The following PLPP2 variants were observed in gnomAD, a reference collection of about 807,000 sequenced individuals.
PLPP2 encodes PAP2-gamma.
Under a neutral mutation model 35.2 loss-of-function variants are expected in PLPP2, and 29 were observed. The observed-to-expected ratio is 0.82, with a 90% CI of 0.61 to 1.12. PLPP2 has a LOEUF of 1.12. PLPP2 is among the 50% of genes most tolerant of loss of function. PLPP2 has a pLI of 0.00. For missense variants in PLPP2, 353 were observed against 375.2 expected (o/e 0.94, Z 0.49); for synonymous variants, 162 against 167.0 (o/e 0.97, Z 0.23).
chr19:288,031 T>C lies in PLPP2; in HGVS notation c.193A>G (p.Thr65Ala). ...CCCTCCTGCCTTACAAGGATGACGG[T>C]GGCCGTGATGGTGACCCCAGCCATG... ...GLMAGVTITA[T>A]VILVSAGEAY... Residue 65 changes from threonine (T) to alanine (A), a missense_variant, in exon 2 of 6, where the codon ACC becomes GCC. Coordinates refer to ENST00000434325, the MANE Select transcript of PLPP2 (RefSeq NM_003712.4). The C allele has an allele frequency of 6.2e-7, 1 of 1,611,624 alleles. No individual in the cohort carries two copies. Among genetic ancestry groups the C allele is most frequent in the South Asian group, 1.1e-5 (1 of 91,026 alleles).
chr19:289,511 C>T (rs1970341361), intron 1 of PLPP2, among the ~76,000 whole-genome samples: 3 of 151,934 alleles, frequency 2.0e-5, no homozygotes, highest in African/African-American at 7.3e-5. Context: ...GTCAGGAGAT[C>T]GAGACCATCC....
rs540898446 is a variant in PLPP2 at position 290,748 on chromosome 19, C to T, written c.52+537G>A. Among the ~76,000 whole-genome samples, 3 of 152,296 alleles carry T rather than the reference C, an allele frequency of 2.0e-5. No homozygotes were observed. The South Asian group carries it at 6.2e-4, about 32-fold the overall frequency. On this transcript the variant is annotated intron_variant, in intron 1 of 5. Coordinates refer to ENST00000434325, the MANE Select transcript of PLPP2 (RefSeq NM_003712.4). Reference sequence around the variant, plus strand: ...AAGCCTGGGACCCAGCCTTCATCCCCAGTGTCTCCCCCGCCCGAGCCAGCA... The same window carrying T: ...AAGCCTGGGACCCAGCCTTCATCCCTAGTGTCTCCCCCGCCCGAGCCAGCA...
rs374593534 is a variant in PLPP2, at chr19:287,562, C to T, written c.394G>A (p.Asp132Asn). The T allele has an allele frequency of 4.6e-5, 74 of 1,613,654 alleles. No homozygotes were observed. Among genetic ancestry groups the T allele is most frequent in the African/African-American group, 6.7e-5 (5 of 74,924 alleles). Residue 132 changes from aspartate to asparagine, a missense_variant, in exon 3 of 6, where the codon GAC (aspartate) becomes AAC (asparagine). Transcript: ENST00000434325. The surrounding 1 kb of genome is among the most constrained non-coding windows in gnomAD (Gnocchi z 4.3). ...RLRPNFLAVC[D>N]PDWSRVNCSV... is the part of the protein sequence containing the mutation. ...CAGTTGACCCGGCTCCAGTCGGGGT[C>T]GCAGACGGCTAGGAAGTTGGGCCTC...
Position 287,700 on chromosome 19 carries a change from A to G in PLPP2, c.256T>C (p.Ser86Pro). Residue 86 changes from serine (S) to proline (P), a missense_variant, in exon 3 of 6, where the codon TCG becomes CCG. Coordinates refer to ENST00000434325, the MANE Select transcript of PLPP2 (RefSeq NM_003712.4). The surrounding 1 kb of genome is among the most constrained non-coding windows in gnomAD (Gnocchi z 4.3). ...LVYTDRLYSR[S>P]DFNNYVAAVY... ...GCAGCCACGTAGTTGTTGAAGTCCG[A>G]GCGAGAATAGAGCCGGTCTGTGTAC... The G allele has an allele frequency of 6.2e-7, 1 of 1,613,866 alleles. No individual in the cohort carries two copies. The highest frequency in any genetic ancestry group is 8.5e-7 in the Non-Finnish European group (1 of 1,180,016).
chr19:281,068 C>T lies in PLPP2; in HGVS notation c.*320G>A, dbSNP rs1341003524. On this transcript the variant is annotated 3_prime_UTR_variant, in exon 6 of 6. Coordinates refer to ENST00000434325, the MANE Select transcript of PLPP2 (RefSeq NM_003712.4). ...TTTGTGAAACAGGTGCCCTATTTTACTAAAAACCACATATACATTACATTT... is the reference window on the plus strand; with the variant it reads ...TTTGTGAAACAGGTGCCCTATTTTATTAAAAACCACATATACATTACATTT... The T allele has an allele frequency of 9.3e-6, 2 of 215,958 alleles. No individual in the cohort carries two copies. The highest frequency in any genetic ancestry group is 1.8e-5 in the Non-Finnish European group (2 of 110,106). 13.4% of individuals were successfully genotyped at this position (215,958 alleles called of 1,614,324 possible).
Position 281,464 on chromosome 19 carries a change from T to C in PLPP2, c.791A>G (p.Lys264Arg). The change falls in exon 6 of 6, where the codon AAG (lysine) becomes AGG (arginine). Residue 264 changes from lysine (K) to arginine (R), a missense_variant. By Grantham distance (26) the Lys-to-Arg change is conservative (BLOSUM62 2). Coordinates refer to ENST00000434325, the MANE Select transcript of PLPP2 (RefSeq NM_003712.4). ...GGTCAACGTCAGTGACAGGCTGGGC[T>C]TCCGTTCCAGCTCCTCCTCCTTCAG... The part of the protein sequence containing the change: ...HCLKEEELER[K>R]PSLSLTLTLG... 1.3e-6 allele frequency: 2 copies of C among 1,560,342 alleles called. No individual in the cohort carries two copies. Among genetic ancestry groups the C allele is most frequent in the Non-Finnish European group, 1.7e-6 (2 of 1,151,816 alleles).
intron 1 of PLPP2, among the ~76,000 whole-genome samples, chr19:289,197 C>T (rs1048555067): frequency 1.3e-5 from 2 of 152,156 alleles, no homozygotes; most frequent in African/African-American, 2.4e-5. Flanking sequence ...GGTCGGCTAG[C>T]CCAGAGACAA....
Position 281,285 on chromosome 19 carries a change from G to A in PLPP2, c.*103C>T. 8.6e-7 allele frequency: 1 copy of A among 1,158,576 alleles called. No homozygotes were observed. Among genetic ancestry groups the A allele is most frequent in the Non-Finnish European group, 1.1e-6 (1 of 902,362 alleles). 71.8% of individuals were successfully genotyped at this position (1,158,576 alleles called of 1,614,324 possible). On this transcript the variant is annotated 3_prime_UTR_variant, in exon 6 of 6. Transcript: ENST00000434325. ...CTGCTCCCATCAGCCCAGGGTTCCT[G>A]GAGCCCGTCCAGAGCCCTCAGTGCC...
At chr19:291,058 G>T in intron 1 of PLPP2, 1 of 1,290,518 alleles carries the variant, frequency 7.7e-7, no homozygotes, top group South Asian at 2.5e-5. Context: ...GGCCTCTCGC[G>T]ACCCCCATCC....
chr19:289,688 C>T (rs889468745), intron 1 of PLPP2, among the ~76,000 whole-genome samples: 4 of 151,772 alleles, frequency 2.6e-5, no homozygotes, highest in Admixed American at 6.6e-5. Context: ...GGCGACAGGG[C>T]GAGACTCTGT....
chr19:290,002 C>G (rs1970353284), intron 1 of PLPP2, among the ~76,000 whole-genome samples: 1 of 152,174 alleles, frequency 6.6e-6, no homozygotes, highest in Non-Finnish European at 1.5e-5. Flanking sequence ...ACCCCCATAA[C>G]GACAGGCGCC....
chr19:282,192 T>C lies in PLPP2; in HGVS notation c.659A>G (p.His220Arg). ...GCCAACAAGGACATCGCTCCAGTGGTGTTTGTAATCAGACACGCGGGTGTA... is the reference window on the plus strand; with the variant it reads ...GCCAACAAGGACATCGCTCCAGTGGCGTTTGTAATCAGACACGCGGGTGTA... ...VGYTRVSDYK[H>R]HWSDVLVGLL... The change falls in exon 5 of 6, where the codon CAC becomes CGC. Residue 220 changes from histidine to arginine, a missense_variant. Physicochemically the swap from His to Arg is conservative, Grantham distance 29 (BLOSUM62 0). Coordinates refer to ENST00000434325, the MANE Select transcript of PLPP2 (RefSeq NM_003712.4). 3 of 1,613,796 alleles carry C rather than the reference T, an allele frequency of 1.9e-6. No individual in the cohort carries two copies. The highest frequency in any genetic ancestry group is 2.5e-6 in the Non-Finnish European group (3 of 1,179,870).
intron 3 of PLPP2, 113 bp from the exon 4 acceptor site, chr19:282,922 A>C (rs1970209801): frequency 1.1e-6 from 1 of 886,198 alleles, no homozygotes; most frequent in Non-Finnish European, 1.8e-6. Context: ...TGTTAGATGC[A>C]CTCAAATCCC....
intron 5 of PLPP2, 184 bp downstream of exon 5, chr19:281,950 G>A: frequency 1.6e-6 from 1 of 640,012 alleles, no homozygotes. Context: ...TCCAGGGGAG[G>A]ACTGGGGGGA....
chr19:291,389 C>A lies in PLPP2; in HGVS notation c.-53G>T, dbSNP rs963601324. On this transcript the variant is annotated 5_prime_UTR_variant, in exon 1 of 6. Transcript: ENST00000434325. ...CAGCGCGTCCCGTCGCGTCCCGGCC[C>A]GGCCGCGGAGTCACGTGGCGCGGAG... 1.2e-5 allele frequency: 18 copies of A among 1,508,526 alleles called. No individual in the cohort carries two copies. Among genetic ancestry groups the A allele is most frequent in the Middle Eastern group, 1.8e-4 (1 of 5,660 alleles). The allele number at this position is 1,508,526 out of a possible 1,614,324, so 93.4% of individuals were successfully genotyped here.
chr19:289,409 C>T (rs117168463), intron 1 of PLPP2, among the ~76,000 whole-genome samples: 6 of 152,178 alleles, frequency 3.9e-5, no homozygotes, highest in African/African-American at 7.2e-5. Context: ...CCTGCCTCAC[C>T]GAGCAAGAAA....
chr19:288,106 C>G lies in PLPP2; in HGVS notation c.118G>C (p.Asp40His), dbSNP rs1240587896. The G allele has an allele frequency of 1.2e-6, 2 of 1,613,188 alleles. No individual in the cohort carries two copies. Among genetic ancestry groups the G allele is most frequent in the African/African-American group, 1.3e-5 (1 of 75,040 alleles). ...APYKRGFYCG[D>H]DSIRYPYRPD... is the part of the protein sequence containing the mutation. ...CGGTAGGGGTACCGGATGGAGTCAT[C>G]CCCGCAGTAAAATCCTCGCTTGTAC... Residue 40 changes from aspartate (D) to histidine (H), a missense_variant, in exon 2 of 6, where the codon GAT (aspartate) becomes CAT (histidine). Asp to His is a moderately conservative substitution (Grantham distance 81). Coordinates refer to ENST00000434325, the MANE Select transcript of PLPP2 (RefSeq NM_003712.4).
Position 282,237 on chromosome 19 carries a change from G to T in PLPP2, c.614C>A (p.Ala205Asp). Residue 205 changes from alanine (A) to aspartate (D), a missense_variant, in exon 5 of 6, where the codon GCC (alanine) becomes GAC (aspartate). Ala to Asp is a moderately radical substitution (Grantham distance 126). Coordinates refer to ENST00000434325, the MANE Select transcript of PLPP2 (RefSeq NM_003712.4). ...GGTGTAGCCCACGTAGAGGGCAAAGGCCACCAGGAAGAACTGGACTGTGGG... is the reference window on the plus strand; with the variant it reads ...GGTGTAGCCCACGTAGAGGGCAAAGTCCACCAGGAAGAACTGGACTGTGGG... Reference protein sequence around the residue: ...LRPTVQFFLVAFALYVGYTRV... With the variant: ...LRPTVQFFLVDFALYVGYTRV... 2 of 1,613,904 alleles carry T rather than the reference G, an allele frequency of 1.2e-6. No homozygotes were observed. The highest frequency in any genetic ancestry group is 8.5e-7 in the Non-Finnish European group (1 of 1,179,898).
In PLPP2 at chr19:287,016, G is replaced by A. The variant is rs1346723210; in HGVS notation, c.482+458C>T. On this transcript the variant is annotated intron_variant, in intron 3 of 5. Transcript: ENST00000434325. The surrounding 1 kb of genome is among the most constrained non-coding windows in gnomAD (Gnocchi z 4.3). ...GAAACATGGCCCAATTTCATGCTAG[G>A]TATAAGACACTTACTTTACAGTCAG... The A allele has an allele frequency of 6.0e-6, 1 of 166,488 alleles. No individual in the cohort carries two copies. Among genetic ancestry groups the A allele is most frequent in the Non-Finnish European group, 1.3e-5 (1 of 76,478 alleles). 10.3% of individuals were successfully genotyped at this position (166,488 alleles called of 1,614,324 possible). A position where few individuals can be genotyped will look rare whatever the true frequency, so the allele number is the denominator to read the frequency against.
Sources: gnomAD v4.1 joint callset for allele counts (sites outside exome capture counted in the v4.1 genomes callset) on GRCh38, gnomAD v4.1.1 for gene constraint, Gnocchi (gnomAD v3.1) non-coding constraint, MANE v1.5 for transcripts, NCBI Gene and HGNC (gene_info 2026-07-23, HGNC 2026-07-21) for gene names.